CDH2: variants seen among roughly 807,000 people sequenced by gnomAD.
CDH2 encodes the protein cadherin-2.
A neutral mutation model predicts 92.0 loss-of-function variants in CDH2; 17 were observed. The ratio of observed to expected loss-of-function variants is 0.18; its 90% CI spans 0.13 to 0.28. The LOEUF (loss-of-function observed/expected upper bound fraction) is 0.28. Among genes scored for constraint, CDH2 ranks in the 10% least tolerant of loss-of-function variants. The pLI, the probability that CDH2 is intolerant of heterozygous loss-of-function variation, is 1.00. For synonymous variants in CDH2, 419 were observed against 415.9 expected, an observed-to-expected ratio of 1.01 and a Z score of -0.09; for missense variants, 862 against 1,133.1, an observed-to-expected ratio of 0.76 and a Z score of 3.44.
At chr18:27,974,227 G>A (rs1230424126) in intron 14 of CDH2, among the ~76,000 whole-genome samples, 1 of 151,682 alleles carries the variant, frequency 6.6e-6, no homozygotes, top group Non-Finnish European at 1.5e-5. Flanking sequence ...ATTCAATCAG[G>A]GCCTGCAAAA....
intron 6 of CDH2, among the ~76,000 whole-genome samples, chr18:27,940,187 T>C (rs375948684): frequency 6.6e-5 from 10 of 152,222 alleles, no homozygotes; most frequent in African/African-American, 1.4e-4. Flanking sequence ...GTATGCTTCC[T>C]TTGGAGCCCA....
At chr18:28,137,537 G>T (rs2144308488) in intron 2 of CDH2, among the ~76,000 whole-genome samples, 1 of 151,956 alleles carries the variant, frequency 6.6e-6, no homozygotes, top group East Asian at 1.9e-4. Flanking sequence ...TTAGACTCTT[G>T]CAGAGACACA....
chr18:28,013,535 A>G (rs1161608842), intron 3 of CDH2, 148 bp downstream of exon 3: 1 of 647,880 alleles, frequency 1.5e-6, no homozygotes, highest in Non-Finnish European at 2.8e-6. Context: ...GATTACAAAC[A>G]CAACAAAATA....
intron 2 of CDH2, among the ~76,000 whole-genome samples, chr18:28,076,718 G>T (rs1266264724): frequency 1.5e-5 from 2 of 135,944 alleles, no homozygotes; most frequent in Admixed American, 1.7e-4. Flanking sequence ...AGGCCCCGGT[G>T]TGTGATGTTC....
At chr18:27,942,932 T>A (rs1197576612) in intron 6 of CDH2, among the ~76,000 whole-genome samples, 2 of 152,062 alleles carry the variant, frequency 1.3e-5, no homozygotes, top group Non-Finnish European at 1.5e-5. Flanking sequence ...TCAAGGAACT[T>A]AGTGAGTATA....
At chr18:28,060,529 C>G (rs1041687449) in intron 2 of CDH2, among the ~76,000 whole-genome samples, 19 of 152,140 alleles carry the variant, frequency 1.2e-4, no homozygotes, top group African/African-American at 4.1e-4. Flanking sequence ...ACAGAAGAAC[C>G]TGCCTATCTA....
At chr18:27,979,564 C>T (rs1311676998) in intron 14 of CDH2, among the ~76,000 whole-genome samples, 1 of 152,112 alleles carries the variant, frequency 6.6e-6, no homozygotes, top group East Asian at 1.9e-4. Context: ...ACTGGAAAAC[C>T]TCAAGTGCCC....
rs1909497570 is a variant in CDH2 at position 27,952,274 on chromosome 18, G to A, written c.2600C>T (p.Ala867Val). ...GGAATTAAGGGAGCTCAAGGACCCAGCAGTGGAGCCACTGCCTTCATAGTC... is the reference window on the plus strand; with the variant it reads ...GGAATTAAGGGAGCTCAAGGACCCAACAGTGGAGCCACTGCCTTCATAGTC... ...VFDYEGSGST[A>V]GSLSSLNSSS... The change falls in exon 16 of 16, where the codon GCT becomes GTT. Residue 867 changes from alanine to valine, a missense_variant. By Grantham distance (64) the Ala-to-Val change is moderately conservative. Coordinates refer to ENST00000269141, the MANE Select transcript of CDH2 (RefSeq NM_001792.5). 1 of 1,613,414 alleles carries A rather than the reference G, an allele frequency of 6.2e-7. No homozygotes were observed. The highest frequency in any genetic ancestry group is 1.7e-5 in the Admixed American group (1 of 59,908).
At chr18:27,947,714 TATAAG>T (rs146401721), downstream of CDH2, among the ~76,000 whole-genome samples, 41,827 of 150,532 alleles carry the variant, frequency 0.28, 6,298 homozygotes, top group South Asian at 0.37. Flanking sequence ...GTATATGTGA[TATAAG>T]TATGTGATGT....
intron 14 of CDH2, among the ~76,000 whole-genome samples, chr18:27,980,593 T>C (rs976706491): frequency 6.6e-6 from 1 of 152,034 alleles, no homozygotes; most frequent in African/African-American, 2.4e-5. Context: ...GAGAACTGCA[T>C]GGAGAAATCA....
In CDH2 at chr18:28,169,391, A is replaced by G. The variant is rs1001161469; in HGVS notation, c.60+7572T>C. 3.9e-5 allele frequency among the ~76,000 whole-genome samples: 6 copies of G among 152,320 alleles called. No individual in the cohort carries two copies. The East Asian group carries it at 1.2e-3, about 29-fold the overall frequency. On this transcript the variant is annotated intron_variant, in intron 1 of 15. Coordinates refer to ENST00000269141, the MANE Select transcript of CDH2 (RefSeq NM_001792.5). ...AGAAAGTTAAGAAAACTCAAAGTGT[A>G]TTTTAGTAATGAAGGGAGAAAAGAG...
At chr18:28,163,227 TACA>T (rs1212090681) in intron 1 of CDH2, among the ~76,000 whole-genome samples, 3 of 152,242 alleles carry the variant, frequency 2.0e-5, no homozygotes, top group African/African-American at 2.4e-5. Context: ...GAGGTTTGAC[TACA>T]ACAAGTATCC....
At chr18:28,068,723 T>C (rs2014559864) in intron 2 of CDH2, among the ~76,000 whole-genome samples, 1 of 152,210 alleles carries the variant, frequency 6.6e-6, no homozygotes, top group African/African-American at 2.4e-5. Context: ...ACACTTGGTT[T>C]TAAGAAGGTT....
At chr18:28,101,681 A>T (rs1276762060) in intron 2 of CDH2, among the ~76,000 whole-genome samples, 1 of 152,128 alleles carries the variant, frequency 6.6e-6, no homozygotes, top group East Asian at 1.9e-4. Context: ...AAGAAAAAGG[A>T]TTGATTGAAG....
chr18:28,106,047 G>A (rs1443425678), intron 2 of CDH2, among the ~76,000 whole-genome samples: 1 of 152,182 alleles, frequency 6.6e-6, no homozygotes, highest in Non-Finnish European at 1.5e-5. Context: ...CTCTGCTCAG[G>A]CAGTTAATGT....
chr18:28,105,252 C>T (rs2015302744), intron 2 of CDH2, among the ~76,000 whole-genome samples: 1 of 152,138 alleles, frequency 6.6e-6, no homozygotes, highest in Non-Finnish European at 1.5e-5. Flanking sequence ...AATGTTACTT[C>T]CAAATATAGA....
chr18:28,155,271 GTAA>G (rs150527560), intron 1 of CDH2, among the ~76,000 whole-genome samples: 6 of 151,582 alleles, frequency 4.0e-5, no homozygotes, highest in South Asian at 2.1e-4. Flanking sequence ...TTCCTCCTCT[GTAA>G]TAATAATAAT....
intron 2 of CDH2, among the ~76,000 whole-genome samples, chr18:28,070,692 T>A (rs143517953): frequency 1.3e-5 from 2 of 152,260 alleles, no homozygotes; most frequent in Non-Finnish European, 2.9e-5. Context: ...CTCCCAGCCC[T>A]CACAGAGCTC....
chr18:27,948,327 G>A (rs1909327796), downstream of CDH2, among the ~76,000 whole-genome samples: 1 of 151,872 alleles, frequency 6.6e-6, no homozygotes, highest in South Asian at 2.1e-4. Context: ...GTAGTGTTTG[G>A]AAAACAGACC....
Sources: allele counts gnomAD v4.1 joint callset (sites outside exome capture counted in the v4.1 genomes callset), GRCh38; gene constraint gnomAD v4.1.1; transcripts MANE v1.5; gene names NCBI Gene and HGNC (gene_info 2026-07-23, HGNC 2026-07-21).